FRMD7: variants seen among roughly 807,000 people sequenced by gnomAD.
The protein encoded by FRMD7 is FERM domain containing 7.
A neutral mutation model predicts 44.1 loss-of-function variants in FRMD7; 14 were observed. The observed-to-expected ratio is 0.32, with a 90% CI of 0.21 to 0.50. The LOEUF is 0.50. Ranked by LOEUF, FRMD7 falls within the 20% of genes least tolerant of loss-of-function variation. The pLI is 0.99. For synonymous variants in FRMD7, 212 were observed against 187.4 expected (o/e 1.13, Z -1.07); for missense variants, 501 against 522.3 (o/e 0.96, Z 0.40).
chrX:132,088,912 A>T (rs1004242690), intron 5 of FRMD7, among the ~76,000 whole-genome samples: 1 of 112,122 alleles, frequency 8.9e-6, no homozygotes, highest in East Asian at 2.8e-4. Flanking sequence ...TATGGTGGCA[A>T]TTTTTTCAAA....
chrX:132,089,203 C>T (rs926799908), intron 5 of FRMD7, among the ~76,000 whole-genome samples: 2 of 111,790 alleles, frequency 1.8e-5, no homozygotes, highest in Non-Finnish European at 1.9e-5. Flanking sequence ...CATTTATGGT[C>T]AATTGGTTTT....
intron 5 of FRMD7, among the ~76,000 whole-genome samples, chrX:132,093,232 C>T (rs1053931221): frequency 8.9e-6 from 1 of 112,119 alleles, no homozygotes; most frequent in Non-Finnish European, 1.9e-5. Context: ...CATTTCTGGA[C>T]TATCAGAAAG....
intron 1 of FRMD7, among the ~76,000 whole-genome samples, chrX:132,116,736 G>A (rs1928908311): frequency 9.0e-6 from 1 of 111,643 alleles, no homozygotes; most frequent in South Asian, 3.8e-4. Flanking sequence ...CGTAGGTGAT[G>A]GGTTGATGGG....
chrX:132,100,629 T>C lies in FRMD7; in HGVS notation c.145A>G (p.Ser49Gly). ...CAACTTACATTATTTCCAGAATGGC[T>C]GCAGAATTCTAATCCAAAATATTCC... ...EKEYFGLEFCSHSGNNVWLEL... is the reference protein window; with the variant it reads ...EKEYFGLEFCGHSGNNVWLEL... Residue 49 changes from serine (S) to glycine (G), a missense_variant, in exon 2 of 12, where the codon AGC becomes GGC. Physicochemically the swap from Ser to Gly is moderately conservative, Grantham distance 56. Around this residue, in one of 3 missense-constraint regions of FRMD7, gnomAD observed 24 missense variants for 48.0 expected, o/e 0.50. Coordinates refer to ENST00000298542, the MANE Select transcript of FRMD7 (RefSeq NM_194277.3). The C allele has an allele frequency of 8.4e-7, 1 of 1,195,538 alleles. No homozygotes were observed. The highest frequency in any genetic ancestry group is 2.2e-5 in the Admixed American group (1 of 46,093).
intron 3 of FRMD7, 88 bp downstream of exon 3, chrX:132,099,380 A>G: frequency 8.0e-6 from 6 of 752,888 alleles, no homozygotes; most frequent in Non-Finnish European, 1.2e-5. Context: ...CTCCCCTTAT[A>G]TTAAAATGAG....
chrX:132,112,818 T>C (rs748098519), intron 1 of FRMD7, among the ~76,000 whole-genome samples: 11 of 111,378 alleles, frequency 9.9e-5, no homozygotes, highest in Admixed American at 3.8e-4. Flanking sequence ...TGATAGATGA[T>C]ACCTTCTGTC....
intron 5 of FRMD7, among the ~76,000 whole-genome samples, chrX:132,089,344 C>G (rs892519131): frequency 2.7e-5 from 3 of 111,498 alleles, no homozygotes; most frequent in Non-Finnish European, 5.6e-5. Context: ...TCCATGCAAG[C>G]GTACAAAAAA....
chrX:132,082,603 C>T (rs1476700436), intron 8 of FRMD7, 77 bp from the exon 9 acceptor site: 2 of 946,299 alleles, frequency 2.1e-6, no homozygotes, highest in East Asian at 6.1e-5. Flanking sequence ...GCCTTCCAAA[C>T]TATTGCTCCG....
Position 132,127,801 on chromosome X carries a change from A to T in FRMD7, c.44T>A (p.Ile15Asn). The T allele has an allele frequency of 8.3e-7, 1 of 1,206,131 alleles. No homozygotes were observed. The highest frequency in any genetic ancestry group is 3.0e-5 in the East Asian group (1 of 33,825). The change falls in exon 1 of 12, where the codon ATT becomes AAT. Residue 15 changes from isoleucine (I) to asparagine (N), a missense_variant. Physicochemically the swap from Ile to Asn is moderately radical, Grantham distance 149. Around this residue, in one of 3 missense-constraint regions of FRMD7, gnomAD observed 24 missense variants for 21.6 expected, o/e 1.11. Coordinates refer to ENST00000298542, the MANE Select transcript of FRMD7 (RefSeq NM_194277.3). Reference protein sequence around the residue: ...KVQFLDDSQKIFVVDQKSSGK... With the variant: ...KVQFLDDSQKNFVVDQKSSGK... ...ATTTCCACTTACATCAACCACAAAA[A>T]TCTTCTGGGAATCATCCAAAAACTG...
At chrX:132,107,607 G>GAGAC (rs1350285101) in intron 1 of FRMD7, among the ~76,000 whole-genome samples, 10 of 103,637 alleles carry the variant, frequency 9.6e-5, no homozygotes, top group African/African-American at 3.2e-4. Context: ...ACATGGTGGA[G>GAGAC]AGAGAGAGAG....
At chrX:132,081,060 C>G (rs866639036) in intron 9 of FRMD7, among the ~76,000 whole-genome samples, 2 of 111,551 alleles carry the variant, frequency 1.8e-5, no homozygotes, top group South Asian at 7.6e-4. Context: ...ATTAGCCAGG[C>G]ACCATGGCTC....
intron 1 of FRMD7, among the ~76,000 whole-genome samples, chrX:132,105,453 A>G (rs1928619583): frequency 8.9e-6 from 1 of 112,027 alleles, no homozygotes; most frequent in African/African-American, 3.2e-5. Flanking sequence ...TTACAGATTC[A>G]ATGCAATTCC....
intron 1 of FRMD7, among the ~76,000 whole-genome samples, chrX:132,116,189 T>C (rs1928893666): frequency 8.9e-6 from 1 of 112,335 alleles, no homozygotes; most frequent in Non-Finnish European, 1.9e-5. Context: ...AATCCACTCT[T>C]ACATTGATTT....
chrX:132,100,195 G>A (rs1217658616), intron 2 of FRMD7, among the ~76,000 whole-genome samples: 1 of 111,972 alleles, frequency 8.9e-6, no homozygotes, highest in Admixed American at 9.4e-5. Flanking sequence ...GCGGTGGTGC[G>A]ATGCTGGCTC....
At chrX:132,126,599 T>C (rs1364547540) in intron 1 of FRMD7, among the ~76,000 whole-genome samples, 8 of 112,043 alleles carry the variant, frequency 7.1e-5, no homozygotes, top group Non-Finnish European at 1.5e-4. Context: ...TAAAGCAATA[T>C]CTTTTGAATA....
chrX:132,088,381 C>T (rs1203313681), intron 5 of FRMD7, among the ~76,000 whole-genome samples: 1 of 111,093 alleles, frequency 9.0e-6, no homozygotes, highest in Non-Finnish European at 1.9e-5. Context: ...AAGACCCCAT[C>T]TCTACCAAAA....
intron 3 of FRMD7, among the ~76,000 whole-genome samples, chrX:132,097,649 A>C (rs929116111): frequency 9.0e-6 from 1 of 111,520 alleles, no homozygotes; most frequent in Admixed American, 9.6e-5. Context: ...TCCTCTCCTA[A>C]GTATCCCATT....
intron 4 of FRMD7, among the ~76,000 whole-genome samples, chrX:132,095,951 C>A (rs1430811799): frequency 3.6e-5 from 4 of 112,339 alleles, no homozygotes. Context: ...CAGCTGCCTG[C>A]TACAAATACC....
intron 1 of FRMD7, among the ~76,000 whole-genome samples, chrX:132,121,673 T>A (rs1929037601): frequency 9.0e-6 from 1 of 110,903 alleles, no homozygotes; most frequent in Non-Finnish European, 1.9e-5. Context: ...GCATGAGACT[T>A]ATGTAAGGTA....
Sources: allele counts gnomAD v4.1 joint callset (sites outside exome capture counted in the v4.1 genomes callset), GRCh38; gene constraint gnomAD v4.1.1; regional missense constraint gnomAD v4.1.1; transcripts MANE v1.5; gene names NCBI Gene and HGNC (gene_info 2026-07-23, HGNC 2026-07-21).